HDAC4: variants seen among roughly 807,000 people sequenced by gnomAD.
The protein encoded by HDAC4 is histone deacetylase 4, also known as histone deacetylase A.
In HDAC4, 16 loss-of-function variants were observed where a neutral mutation model predicts 135.1. The ratio of observed to expected loss-of-function variants is 0.12; its 90% confidence interval spans 0.08 to 0.18. The LOEUF is 0.18. HDAC4 is among the 10% of genes least tolerant of loss of function. The probability of loss-of-function intolerance (pLI) is 1.00; values close to 1 mark genes in which losing one functional copy is unlikely to be tolerated. For missense variants in HDAC4, 1,143 were observed against 1,511.8 expected, an observed-to-expected ratio of 0.76 and a Z score of 4.05; for synonymous variants, 685 against 653.4, an observed-to-expected ratio of 1.05 and a Z score of -0.74.
chr2:239,179,055 G>C (rs2043963983), intron 4 of HDAC4, among the ~76,000 whole-genome samples: 2 of 151,458 alleles, frequency 1.3e-5, no homozygotes, highest in South Asian at 2.1e-4. Flanking sequence ...CATAGAGTGG[G>C]GTGTGCGTGC....
chr2:239,359,223 G>C (rs746268715), intron 1 of HDAC4, among the ~76,000 whole-genome samples: 1 of 152,124 alleles, frequency 6.6e-6, no homozygotes, highest in East Asian at 1.9e-4. Flanking sequence ...TAGCTTCAAC[G>C]CCAGCCAACA....
intron 1 of HDAC4, among the ~76,000 whole-genome samples, chr2:239,377,735 T>C (rs1359070136): frequency 6.6e-6 from 1 of 152,010 alleles, no homozygotes; most frequent in African/African-American, 2.4e-5. Flanking sequence ...CCCAACGTGG[T>C]GAAAAGACCC....
At chr2:239,385,244 C>T (rs1037340791) in intron 1 of HDAC4, among the ~76,000 whole-genome samples, 5 of 152,236 alleles carry the variant, frequency 3.3e-5, no homozygotes, top group African/African-American at 9.6e-5. Flanking sequence ...GAAGCCTTGC[C>T]CTCAGCTTCC....
intron 22 of HDAC4, among the ~76,000 whole-genome samples, chr2:239,075,205 C>A (rs2034614400): frequency 1.0e-5 from 1 of 100,404 alleles, no homozygotes; most frequent in Non-Finnish European, 1.8e-5. Context: ...GCCTGGGCGA[C>A]AGAATGAGAC....
rs1031065707 is a variant in HDAC4, at chr2:239,359,791, C to T, written c.-219-6873G>A. Among the ~76,000 whole-genome samples, 8 of 152,242 alleles carry T rather than the reference C, an allele frequency of 5.3e-5. No individual in the cohort carries two copies. In the East Asian group the frequency reaches 7.7e-4, roughly 15 times the overall value. On this transcript the variant is annotated intron_variant, in intron 1 of 26. Transcript: ENST00000543185. The stretch of plus-strand genomic sequence containing the variant: ...CGATTTAGAGAGGAAGCAGAAGACT[C>T]GGGAATCTGTAGACGAGTGGATCTG...
intron 8 of HDAC4, among the ~76,000 whole-genome samples, chr2:239,140,126 C>T (rs2041260078): frequency 6.6e-6 from 1 of 152,152 alleles, no homozygotes; most frequent in Admixed American, 6.5e-5. Flanking sequence ...CCAGAAAATG[C>T]AGAAGCTAAG....
chr2:239,340,289 A>T (rs530317876), intron 2 of HDAC4, among the ~76,000 whole-genome samples: 4 of 152,326 alleles, frequency 2.6e-5, no homozygotes, highest in South Asian at 4.1e-4. Context: ...ATTACGTCTT[A>T]CCAAATCCTA....
At chr2:239,330,397 C>A (rs1394644717) in intron 2 of HDAC4, among the ~76,000 whole-genome samples, 1 of 152,258 alleles carries the variant, frequency 6.6e-6, no homozygotes, top group Non-Finnish European at 1.5e-5. Context: ...GCCACTGGGG[C>A]CTGCAGCCAG....
chr2:239,276,614 A>G (rs1044572906), intron 2 of HDAC4, among the ~76,000 whole-genome samples: 4 of 152,140 alleles, frequency 2.6e-5, no homozygotes, highest in African/African-American at 9.7e-5. Context: ...GACACAGGCC[A>G]CTTCCTGGAC....
chr2:239,105,491 C>T (rs1282905192), intron 15 of HDAC4, among the ~76,000 whole-genome samples: 1 of 152,236 alleles, frequency 6.6e-6, no homozygotes, highest in Non-Finnish European at 1.5e-5. Flanking sequence ...AGCGAGACAG[C>T]TGCACTGGGA....
rs1159223149 is a variant in HDAC4, at chr2:239,308,364, C to T, written c.22+44314G>A. Among the ~76,000 whole-genome samples the T allele has an allele frequency of 1.3e-5, 2 of 152,134 alleles. No homozygotes were observed. Among genetic ancestry groups the T allele is most frequent in the African/African-American group, 4.8e-5 (2 of 41,422 alleles). ...GCTTGGTACTCAGCAACAGGCTTTC[C>T]TAATAAGAATTCCACACTTCCATGA... On this transcript the variant is annotated intron_variant, in intron 2 of 26. Coordinates refer to ENST00000543185, the MANE Select transcript of HDAC4 (RefSeq NM_001378414.1). This position sits in a 1 kb window ranked among gnomAD's most constrained non-coding sequence, Gnocchi z 4.2.
intron 3 of HDAC4, among the ~76,000 whole-genome samples, chr2:239,206,715 C>T (rs532753510): frequency 3.0e-4 from 46 of 151,590 alleles, no homozygotes; most frequent in African/African-American, 1.1e-3. Flanking sequence ...CTGAGGACTT[C>T]ATGACAGGTG....
chr2:239,067,121 C>A, intron 23 of HDAC4: 1 of 546,232 alleles, frequency 1.8e-6, no homozygotes. Context: ...CAGCCAGCCC[C>A]ACCCAGAGGC....
At chr2:239,220,221 C>T (rs1004127653) in intron 3 of HDAC4, among the ~76,000 whole-genome samples, 9 of 152,192 alleles carry the variant, frequency 5.9e-5, no homozygotes, top group South Asian at 2.1e-4. Context: ...TTCTCTTAAA[C>T]GCTTCAAATT....
intron 14 of HDAC4, among the ~76,000 whole-genome samples, chr2:239,110,646 C>G (rs745883610): frequency 2.6e-5 from 4 of 152,244 alleles, no homozygotes; most frequent in Admixed American, 6.5e-5. Flanking sequence ...CACTAAGCCA[C>G]GTGATGAGAA....
Position 239,245,038 on chromosome 2 carries a change from T to C in HDAC4, c.23-8374A>G, listed in dbSNP as rs2048389646. Among the ~76,000 whole-genome samples, 1 of 152,250 alleles carries C rather than the reference T, an allele frequency of 6.6e-6. No homozygotes were observed. Among genetic ancestry groups the C allele is most frequent in the Non-Finnish European group, 1.5e-5 (1 of 68,046 alleles). On this transcript the variant is annotated intron_variant, in intron 2 of 26. Transcript: ENST00000543185. The surrounding 1 kb of genome is among the most constrained non-coding windows in gnomAD (Gnocchi z 4.4). ...CCCATTAATAGAAATTAAACTTTAA[T>C]GAGTAAGTGCTGTGAATTCCTCAGG...
In HDAC4 at chr2:239,176,399, G is replaced by A. The variant is rs369357416; in HGVS notation, c.490+14C>T. On this transcript the variant is annotated intron_variant, in intron 5 of 26. Coordinates refer to ENST00000543185, the MANE Select transcript of HDAC4 (RefSeq NM_001378414.1). ...CCTCCCTCCCTCTGCCTGGCCTTCCGTGCCCACACTCACTCTCTTTGCCCT... is the reference window on the plus strand; with the variant it reads ...CCTCCCTCCCTCTGCCTGGCCTTCCATGCCCACACTCACTCTCTTTGCCCT... The A allele has an allele frequency of 2.7e-5, 43 of 1,601,722 alleles. No individual in the cohort carries two copies. Among genetic ancestry groups the A allele is most frequent in the African/African-American group, 2.2e-4 (16 of 73,068 alleles).
chr2:239,229,109 T>G (rs1360740406), intron 3 of HDAC4, among the ~76,000 whole-genome samples: 1 of 152,138 alleles, frequency 6.6e-6, no homozygotes, highest in Non-Finnish European at 1.5e-5. Context: ...GCCACTGCAC[T>G]CCAGCCCTGC....
intron 3 of HDAC4, among the ~76,000 whole-genome samples, chr2:239,234,781 G>A (rs188364546): frequency 6.6e-6 from 1 of 152,182 alleles, no homozygotes; most frequent in East Asian, 1.9e-4. Flanking sequence ...GGCAGGTCTC[G>A]ACAGGCAGGG....
Sources: gnomAD v4.1 joint callset for allele counts (sites outside exome capture counted in the v4.1 genomes callset) on GRCh38, gnomAD v4.1.1 for gene constraint, Gnocchi (gnomAD v3.1) non-coding constraint, MANE v1.5 for transcripts, NCBI Gene and HGNC (gene_info 2026-07-23, HGNC 2026-07-21) for gene names.